Variants in ATF2 observed in about 807,000 individuals in gnomAD.
ATF2 encodes the protein cyclic AMP-dependent transcription factor ATF-2.
A neutral mutation model predicts 60.6 loss-of-function variants in ATF2; 24 were observed. That is an observed-to-expected ratio of 0.40 (90% confidence interval 0.29 to 0.56). The LOEUF (loss-of-function observed/expected upper bound fraction) is 0.56, where lower values mean the gene tolerates loss of function less well. ATF2 is among the 20% of genes least tolerant of loss of function. The pLI is 0.54. For synonymous variants in ATF2, 206 were observed against 215.4 expected (o/e 0.96, Z 0.38); for missense variants, 433 against 607.7 (o/e 0.71, Z 3.02).
intron 12 of ATF2, among the ~76,000 whole-genome samples, chr2:175,081,464 AAT>A (rs1288563271): frequency 6.6e-6 from 1 of 152,200 alleles, no homozygotes; most frequent in Non-Finnish European, 1.5e-5. Flanking sequence ...AAAAGTTCCA[AAT>A]TGAGCAAGTC....
At chr2:175,167,709 T>C (rs752983300) in intron 1 of ATF2, 6 of 496,616 alleles carry the variant, frequency 1.2e-5, no homozygotes, top group East Asian at 6.2e-5. Context: ...CTGACCCAAG[T>C]AGGGTGAAGA....
intron 3 of ATF2, among the ~76,000 whole-genome samples, chr2:175,134,870 G>A (rs566032006): frequency 2.0e-5 from 3 of 151,786 alleles, no homozygotes; most frequent in African/African-American, 7.3e-5. Context: ...GCGTCATGGT[G>A]GTGTACACCT....
intron 4 of ATF2, among the ~76,000 whole-genome samples, chr2:175,123,451 C>T (rs1370568327): frequency 6.6e-6 from 1 of 151,994 alleles, no homozygotes; most frequent in African/African-American, 2.4e-5. Flanking sequence ...GATTTTAAAA[C>T]TGCAAACTCA....
At chr2:175,146,799 G>GA (rs111519227) in intron 2 of ATF2, among the ~76,000 whole-genome samples, 14,562 of 151,824 alleles carry the variant, frequency 0.096, 775 homozygotes, top group Middle Eastern at 0.17. Context: ...TACTACATAG[G>GA]AAAAAAAATA....
At chr2:175,097,131 A>G (rs1036062660) in intron 11 of ATF2, among the ~76,000 whole-genome samples, 3 of 152,202 alleles carry the variant, frequency 2.0e-5, no homozygotes, top group Admixed American at 6.5e-5. Context: ...GAGTAAAGGA[A>G]ATTTCTCAAA....
chr2:175,092,832 C>T (rs1250761882), intron 12 of ATF2, among the ~76,000 whole-genome samples: 1 of 152,046 alleles, frequency 6.6e-6, no homozygotes, highest in Non-Finnish European at 1.5e-5. Context: ...TACTTTTGTA[C>T]ACAGGTAAAC....
chr2:175,135,618 G>A (rs1376379014), intron 3 of ATF2, among the ~76,000 whole-genome samples: 1 of 152,156 alleles, frequency 6.6e-6, no homozygotes, highest in Non-Finnish European at 1.5e-5. Context: ...ATGAAAAGAA[G>A]AGCAAAGGAA....
intron 7 of ATF2, among the ~76,000 whole-genome samples, chr2:175,115,977 T>C (rs1294185260): frequency 6.6e-6 from 1 of 152,044 alleles, no homozygotes; most frequent in Non-Finnish European, 1.5e-5. Flanking sequence ...AGCAATACCA[T>C]ATATGTCATG....
intron 10 of ATF2, among the ~76,000 whole-genome samples, chr2:175,108,006 G>A (rs969846885): frequency 1.2e-4 from 18 of 152,082 alleles, no homozygotes; most frequent in Non-Finnish European, 1.6e-4. Context: ...GGGAAGTGAG[G>A]AGCGTCTCTG....
Position 175,074,373 on chromosome 2 carries a change from A to G in ATF2, c.*236T>C, listed in dbSNP as rs910614643. On this transcript the variant is annotated 3_prime_UTR_variant, in exon 14 of 14. Transcript: ENST00000264110. ...CAATTTACACATTGAGCACAGAAAA[A>G]TTAATAAATCTAATAATATTTATAA... 1.3e-5 allele frequency: 4 copies of G among 314,136 alleles called. No individual in the cohort carries two copies. In the Admixed American group the frequency reaches 1.4e-4, roughly 11 times the overall value. The allele number at this position is 314,136 out of a possible 1,614,324, so 19.5% of individuals were successfully genotyped here.
chr2:175,105,584 G>T (rs1383010220), intron 10 of ATF2, among the ~76,000 whole-genome samples: 1 of 152,072 alleles, frequency 6.6e-6, no homozygotes, highest in African/African-American at 2.4e-5. Context: ...AATATAAAAA[G>T]AATATTGAAG....
At chr2:175,159,575 C>T (rs868616135) in intron 1 of ATF2, among the ~76,000 whole-genome samples, 2 of 152,198 alleles carry the variant, frequency 1.3e-5, no homozygotes, top group Middle Eastern at 3.4e-3. Flanking sequence ...GTTGATGGTA[C>T]ACGTAAAAAG....
intron 10 of ATF2, among the ~76,000 whole-genome samples, chr2:175,108,659 ACC>A (rs928547985): frequency 6.6e-6 from 1 of 151,976 alleles, no homozygotes; most frequent in African/African-American, 2.4e-5. Flanking sequence ...CCTGGCCACC[ACC>A]CCATCTGGGA....
At chr2:175,084,008 G>T (rs1005230920) in intron 12 of ATF2, among the ~76,000 whole-genome samples, 3 of 152,148 alleles carry the variant, frequency 2.0e-5, no homozygotes, top group African/African-American at 7.2e-5. Context: ...TGCTGGAGAG[G>T]ATATGGAGAA....
chr2:175,074,956 G>T, intron 13 of ATF2, 121 bp from the exon 14 acceptor site: 2 of 1,527,354 alleles, frequency 1.3e-6, no homozygotes, highest in Non-Finnish European at 1.8e-6. Flanking sequence ...TAGACAAGTT[G>T]GTATTACAGC....
At position 175,127,426 on chromosome 2, in the gene ATF2, C is replaced by T. The variant is rs1237761390; in HGVS notation, c.102+2712G>A. ...AAACATATGTCAAATTAGCCTATTTCTCTCTCTGTGTCCACTGTTAACACC... is the reference window on the plus strand; with the variant it reads ...AAACATATGTCAAATTAGCCTATTTTTCTCTCTGTGTCCACTGTTAACACC... On this transcript the variant is annotated intron_variant, in intron 4 of 13. Coordinates refer to ENST00000264110, the MANE Select transcript of ATF2 (RefSeq NM_001880.4). 2.0e-5 allele frequency among the ~76,000 whole-genome samples: 3 copies of T among 152,022 alleles called. No homozygotes were observed. In the East Asian group the frequency reaches 5.8e-4, roughly 29 times the overall value.
chr2:175,128,935 C>T (rs1225985426), intron 4 of ATF2, among the ~76,000 whole-genome samples: 1 of 152,032 alleles, frequency 6.6e-6, no homozygotes, highest in East Asian at 1.9e-4. Context: ...AAAAAGCAGC[C>T]TGGTAATTTC....
At chr2:175,087,304 A>G (rs1694236146) in intron 12 of ATF2, among the ~76,000 whole-genome samples, 1 of 152,168 alleles carries the variant, frequency 6.6e-6, no homozygotes, top group African/African-American at 2.4e-5. Flanking sequence ...CACTTTGTCA[A>G]AGTAAAACAT....
intron 1 of ATF2, among the ~76,000 whole-genome samples, chr2:175,157,434 G>A (rs372501300): frequency 2.6e-5 from 4 of 152,148 alleles, no homozygotes; most frequent in Non-Finnish European, 4.4e-5. Flanking sequence ...AGAAGCAAAC[G>A]TCTGGGAGGA....
Sources: allele counts gnomAD v4.1 joint callset (sites outside exome capture counted in the v4.1 genomes callset), GRCh38; gene constraint gnomAD v4.1.1; transcripts MANE v1.5; gene names NCBI Gene and HGNC (gene_info 2026-07-23, HGNC 2026-07-21).